The following PDE10A variants were observed in gnomAD, a reference collection of about 807,000 sequenced individuals.
The protein encoded by PDE10A is phosphodiesterase 10A.
PDE10A carries 39 observed loss-of-function variants against 97.7 expected under a neutral mutation model. The observed-to-expected ratio is 0.40, with a 90% confidence interval of 0.31 to 0.52. PDE10A has a LOEUF of 0.52. Ranked by LOEUF, PDE10A falls within the 20% of genes least tolerant of loss-of-function variation. The pLI, the probability that PDE10A is intolerant of heterozygous loss-of-function variation, is 0.56. For synonymous variants in PDE10A, 371 were observed against 376.8 expected (o/e 0.98, Z 0.18); for missense variants, 731 against 1,047.8 (o/e 0.70, Z 4.17).
At chr6:165,355,817 T>C (rs1247861549) in intron 18 of PDE10A, among the ~76,000 whole-genome samples, 2 of 152,134 alleles carry the variant, frequency 1.3e-5, no homozygotes, top group Non-Finnish European at 1.5e-5. Context: ...AAAGCAGCTG[T>C]ACAAATTCTA....
At chr6:165,568,705 T>A in intron 1 of PDE10A, among the ~76,000 whole-genome samples, 1 of 152,252 alleles carries the variant, frequency 6.6e-6, no homozygotes, top group African/African-American at 2.4e-5. Flanking sequence ...AGAGAAGCCA[T>A]AAAGTAGTTC....
chr6:165,349,988 T>A (rs1205493451), intron 18 of PDE10A, among the ~76,000 whole-genome samples: 1 of 152,188 alleles, frequency 6.6e-6, no homozygotes, highest in African/African-American at 2.4e-5. Context: ...AGAGCCCTCA[T>A]GGAGAACCCT....
intron 1 of PDE10A, among the ~76,000 whole-genome samples, chr6:165,587,857 T>A (rs1786006964): frequency 6.6e-6 from 1 of 152,132 alleles, no homozygotes; most frequent in African/African-American, 2.4e-5. Context: ...CTCATAAAGG[T>A]CCCTGCACAC....
Position 165,332,975 on chromosome 6 carries a change from A to T in PDE10A, c.*50T>A. On this transcript the variant is annotated 3_prime_UTR_variant, in exon 22 of 22. Transcript: ENST00000539869. ...CAAAAAAAGGAAAAGAATGTCAAAGAAGCAAGATGAGGATCTGTAGGTGGG... is the reference window on the plus strand; with the variant it reads ...CAAAAAAAGGAAAAGAATGTCAAAGTAGCAAGATGAGGATCTGTAGGTGGG... 1.0e-5 allele frequency: 7 copies of T among 682,606 alleles called. No homozygotes were observed. Among genetic ancestry groups the T allele is most frequent in the Non-Finnish European group, 1.8e-5 (7 of 398,930 alleles). The allele number at this position is 682,606 out of a possible 1,614,324, so 42.3% of individuals were successfully genotyped here. A position where few individuals can be genotyped will look rare whatever the true frequency, so the allele number is the denominator to read the frequency against.
chr6:165,861,151 G>C (rs796834442), intron 1 of PDE10A, among the ~76,000 whole-genome samples: 3 of 152,346 alleles, frequency 2.0e-5, no homozygotes, highest in African/African-American at 7.2e-5. Flanking sequence ...CATTGATGTG[G>C]CTGATGATGT....
At chr6:165,949,380 G>A (rs556928893) in intron 1 of PDE10A, 7 of 152,208 alleles carry the variant, frequency 4.6e-5, no homozygotes, top group Non-Finnish European at 7.3e-5. Context: ...GGAAGGGGTC[G>A]GCAGCACGGC....
chr6:165,400,063 G>A (rs1344134770), intron 13 of PDE10A, among the ~76,000 whole-genome samples: 3 of 152,156 alleles, frequency 2.0e-5, no homozygotes, highest in South Asian at 2.1e-4. Context: ...CTGCAAAGGC[G>A]AGGCCATAAG....
intron 1 of PDE10A, among the ~76,000 whole-genome samples, chr6:165,746,029 A>G (rs776410316): frequency 6.6e-6 from 1 of 152,208 alleles, no homozygotes; most frequent in African/African-American, 2.4e-5. Flanking sequence ...ATAATTAGCC[A>G]TGCACTTATG....
At chr6:165,585,658 G>C (rs756839448) in intron 1 of PDE10A, among the ~76,000 whole-genome samples, 5 of 152,110 alleles carry the variant, frequency 3.3e-5, no homozygotes, top group Non-Finnish European at 7.4e-5. Flanking sequence ...AGGGTGTGCA[G>C]CCCTGCCAAT....
chr6:165,424,606 C>A (rs1370559442), intron 10 of PDE10A, among the ~76,000 whole-genome samples: 1 of 152,050 alleles, frequency 6.6e-6, no homozygotes, highest in East Asian at 1.9e-4. Context: ...CATTTCTGAG[C>A]TCATTTTATA....
chr6:165,631,522 T>C (rs1439379593), intron 1 of PDE10A, among the ~76,000 whole-genome samples: 1 of 152,188 alleles, frequency 6.6e-6, no homozygotes, highest in Non-Finnish European at 1.5e-5. Flanking sequence ...TAATCAGTGA[T>C]TTCCTCCAAA....
At chr6:165,522,481 A>C (rs536820964) in intron 2 of PDE10A, among the ~76,000 whole-genome samples, 2 of 152,260 alleles carry the variant, frequency 1.3e-5, no homozygotes, top group East Asian at 3.9e-4. Flanking sequence ...TCTTGGGATA[A>C]ATCCACATAA....
chr6:165,555,000 G>T (rs564931025), intron 1 of PDE10A, among the ~76,000 whole-genome samples: 13 of 152,204 alleles, frequency 8.5e-5, no homozygotes, highest in African/African-American at 2.9e-4. Context: ...GTGAGTAAAA[G>T]GATGATTACC....
intron 1 of PDE10A, among the ~76,000 whole-genome samples, chr6:165,742,055 G>A (rs1481257237): frequency 6.6e-6 from 1 of 152,194 alleles, no homozygotes; most frequent in African/African-American, 2.4e-5. Context: ...AGTCACTGCT[G>A]TTTATCAAAT....
At chr6:165,626,368 G>A (rs1257603779) in intron 1 of PDE10A, among the ~76,000 whole-genome samples, 1 of 152,094 alleles carries the variant, frequency 6.6e-6, no homozygotes, top group Non-Finnish European at 1.5e-5. Context: ...CTCCACTGTA[G>A]AAAACATGCA....
chr6:165,456,682 T>C (rs924088590), intron 3 of PDE10A, among the ~76,000 whole-genome samples: 2 of 152,216 alleles, frequency 1.3e-5, no homozygotes, highest in Non-Finnish European at 2.9e-5. Context: ...GTCTGTAAAA[T>C]GCTTTCCCTT....
chr6:165,416,652 G>T (rs1202991967), intron 11 of PDE10A, among the ~76,000 whole-genome samples: 2 of 152,046 alleles, frequency 1.3e-5, no homozygotes, highest in African/African-American at 2.4e-5. Flanking sequence ...GGCCTATATG[G>T]GTTCAGTAAT....
intron 18 of PDE10A, among the ~76,000 whole-genome samples, chr6:165,371,574 T>G (rs1179018612): frequency 6.6e-6 from 1 of 152,086 alleles, no homozygotes; most frequent in East Asian, 1.9e-4. Context: ...GCTGAAATTG[T>G]GGCAATAATC....
intron 1 of PDE10A, among the ~76,000 whole-genome samples, chr6:165,573,658 T>C (rs1345954329): frequency 6.6e-6 from 1 of 152,198 alleles, no homozygotes; most frequent in Non-Finnish European, 1.5e-5. Context: ...TTATGTGTAA[T>C]GAATTGAATG....
Sources: allele counts gnomAD v4.1 joint callset (sites outside exome capture counted in the v4.1 genomes callset), GRCh38; gene constraint gnomAD v4.1.1; transcripts MANE v1.5; gene names NCBI Gene and HGNC (gene_info 2026-07-23, HGNC 2026-07-21).